UBE4B: variants seen among roughly 807,000 people sequenced by gnomAD.
UBE4B encodes the protein ubiquitin conjugation factor E4 B.
A neutral mutation model predicts 148.1 loss-of-function variants in UBE4B; 27 were observed. That is an observed-to-expected ratio of 0.18 (90% CI 0.13 to 0.25). The LOEUF (loss-of-function observed/expected upper bound fraction) is 0.25, where lower values mean the gene tolerates loss of function less well. Ranked by LOEUF, UBE4B falls within the 10% of genes least tolerant of loss-of-function variation. UBE4B has a pLI of 1.00. For synonymous variants in UBE4B, 596 were observed against 619.3 expected (o/e 0.96, Z 0.56); for missense variants, 1,170 against 1,662.4 (o/e 0.70, Z 5.15).
At chr1:10,081,426 T>G (rs1644678816) in intron 2 of UBE4B, among the ~76,000 whole-genome samples, 1 of 151,926 alleles carries the variant, frequency 6.6e-6, no homozygotes, top group South Asian at 2.1e-4. Context: ...TTATAATTGG[T>G]TTTTTTATGT....
rs777677614 is a variant in UBE4B, at chr1:10,106,183, C to G, written c.810-14C>G. On this transcript the variant is annotated splice_polypyrimidine_tract_variant and intron_variant, in intron 6 of 27. Coordinates refer to ENST00000343090, the MANE Select transcript of UBE4B (RefSeq NM_001105562.3). The surrounding 1 kb of genome is among the most constrained non-coding windows in gnomAD (Gnocchi z 4.2). ...GATTTTTCTCTTCTTTCCTCCCTTTCTCAACTAATTTAGCCTCTATGAAAG... is the reference window on the plus strand; with the variant it reads ...GATTTTTCTCTTCTTTCCTCCCTTTGTCAACTAATTTAGCCTCTATGAAAG... 3 of 1,547,924 alleles carry G rather than the reference C, an allele frequency of 1.9e-6. No individual in the cohort carries two copies. The highest frequency in any genetic ancestry group is 2.6e-6 in the Non-Finnish European group (3 of 1,146,018).
At chr1:10,076,161 A>C (rs182501688) in intron 2 of UBE4B, among the ~76,000 whole-genome samples, 15 of 152,122 alleles carry the variant, frequency 9.9e-5, no homozygotes, top group African/African-American at 3.6e-4. Flanking sequence ...GAAGTTAGAC[A>C]TAGGTCTAAT....
At chr1:10,112,423 G>C (rs938877771) in intron 7 of UBE4B, among the ~76,000 whole-genome samples, 2 of 151,636 alleles carry the variant, frequency 1.3e-5, no homozygotes. Context: ...TGTTTTAGAC[G>C]GAGTCTCGCT....
intron 1 of UBE4B, among the ~76,000 whole-genome samples, chr1:10,064,056 C>A (rs1644338533): frequency 6.6e-6 from 1 of 152,118 alleles, no homozygotes; most frequent in African/African-American, 2.4e-5. Flanking sequence ...GCTTGTCTTT[C>A]TTGTCTGTGC....
chr1:10,041,370 C>T (rs1424905963), intron 1 of UBE4B, among the ~76,000 whole-genome samples: 2 of 146,232 alleles, frequency 1.4e-5, no homozygotes, highest in Non-Finnish European at 3.0e-5. Context: ...GTTTCGCTCT[C>T]GTCACTCAGG....
At chr1:10,121,367 A>G (rs1645407555) in intron 9 of UBE4B, among the ~76,000 whole-genome samples, 1 of 152,074 alleles carries the variant, frequency 6.6e-6, no homozygotes, top group Admixed American at 6.6e-5. Flanking sequence ...AAAAACAACA[A>G]ACAACAACAA....
At chr1:10,033,735 C>G in intron 1 of UBE4B, 41 bp downstream of exon 1, 1 of 1,523,992 alleles carries the variant, frequency 6.6e-7, no homozygotes, top group Non-Finnish European at 8.8e-7. Flanking sequence ...TAGTTGGCAA[C>G]TCGTTAGCGC....
chr1:10,123,153 G>A (rs1401189220), intron 10 of UBE4B, among the ~76,000 whole-genome samples: 1 of 151,996 alleles, frequency 6.6e-6, no homozygotes, highest in Non-Finnish European at 1.5e-5. Context: ...ACTGTCGGCC[G>A]GGCGCAGTGG....
intron 1 of UBE4B, among the ~76,000 whole-genome samples, chr1:10,047,917 G>C (rs1298968395): frequency 6.6e-6 from 1 of 152,048 alleles, no homozygotes; most frequent in Admixed American, 6.6e-5. Context: ...TGTCACCCAG[G>C]CTAGAGTACA....
chr1:10,066,693 G>A (rs950821296), intron 1 of UBE4B, among the ~76,000 whole-genome samples: 3 of 152,038 alleles, frequency 2.0e-5, no homozygotes, highest in Non-Finnish European at 2.9e-5. Context: ...ATAACCTGAG[G>A]TCAGGAGTTT....
chr1:10,099,774 C>T lies in UBE4B; in HGVS notation c.348-1334C>T, dbSNP rs76154155. Among the ~76,000 whole-genome samples, 1,159 of 152,198 alleles carry T rather than the reference C, an allele frequency of 7.6e-3. 29 individuals are homozygous for T. The East Asian group carries it at 0.088, about 12-fold the overall frequency. ...TATTGGCCAGGGACAGACAAATTGTCTAACAGAACAGTAATGAGTCTCCAG... is the reference window on the plus strand; with the variant it reads ...TATTGGCCAGGGACAGACAAATTGTTTAACAGAACAGTAATGAGTCTCCAG... On this transcript the variant is annotated intron_variant, in intron 3 of 27. Coordinates refer to ENST00000343090, the MANE Select transcript of UBE4B (RefSeq NM_001105562.3).
intron 3 of UBE4B, among the ~76,000 whole-genome samples, chr1:10,097,467 G>T (rs1007134428): frequency 6.6e-6 from 1 of 152,054 alleles, no homozygotes; most frequent in Non-Finnish European, 1.5e-5. Flanking sequence ...CTACTGGTTT[G>T]AAAGATATTA....
chr1:10,072,730 A>T, intron 2 of UBE4B: 2 of 441,878 alleles, frequency 4.5e-6, no homozygotes, highest in South Asian at 4.2e-5. Flanking sequence ...AAATGAGCTG[A>T]TGCTTGATAT....
At chr1:10,121,369 C>G (rs1396140302) in intron 9 of UBE4B, among the ~76,000 whole-genome samples, 1 of 151,902 alleles carries the variant, frequency 6.6e-6, no homozygotes, top group East Asian at 1.9e-4. Context: ...AAACAACAAA[C>G]AACAACAAAA....
At chr1:10,062,039 A>G (rs1223956355) in intron 1 of UBE4B, among the ~76,000 whole-genome samples, 1 of 149,912 alleles carries the variant, frequency 6.7e-6, no homozygotes, top group African/African-American at 2.5e-5. Context: ...CTTCCTGAGT[A>G]TCTGGGATTA....
At position 10,152,101 on chromosome 1, in the gene UBE4B, A is replaced by G. The variant is rs920929475; in HGVS notation, c.2926+540A>G. On this transcript the variant is annotated intron_variant, in intron 21 of 27. Coordinates refer to ENST00000343090, the MANE Select transcript of UBE4B (RefSeq NM_001105562.3). ...GTGAAACCCCATCTCTACTAAAAAT[A>G]GAAAAAAAAATTAAATTAGCCGGGC... 2.6e-5 allele frequency among the ~76,000 whole-genome samples: 4 copies of G among 151,860 alleles called. No homozygotes were observed. The East Asian group carries it at 7.7e-4, about 29-fold the overall frequency.
Position 10,161,693 on chromosome 1 carries a change from C to T in UBE4B, c.3198+407C>T, listed in dbSNP as rs1038662649. 6.6e-6 allele frequency among the ~76,000 whole-genome samples: 1 copy of T among 152,082 alleles called. No individual in the cohort carries two copies. The highest frequency in any genetic ancestry group is 1.5e-5 in the Non-Finnish European group (1 of 68,034). On this transcript the variant is annotated intron_variant, in intron 23 of 27. Coordinates refer to ENST00000343090, the MANE Select transcript of UBE4B (RefSeq NM_001105562.3). This position sits in a 1 kb window ranked among gnomAD's most constrained non-coding sequence, Gnocchi z 4.1. Reference sequence around the variant, plus strand: ...CTGTGTGAATCACTCAGGATCCTGGCGGGGTGTTTTTTCCCTTTCAGTTGA... The same window carrying T: ...CTGTGTGAATCACTCAGGATCCTGGTGGGGTGTTTTTTCCCTTTCAGTTGA...
intron 25 of UBE4B, among the ~76,000 whole-genome samples, chr1:10,175,587 C>T (rs112687680): frequency 2.6e-5 from 4 of 151,832 alleles, no homozygotes; most frequent in African/African-American, 9.7e-5. Context: ...GGAGGTGGAG[C>T]TTGCAGTGAG....
Position 10,144,325 on chromosome 1 carries a change from C to T in UBE4B, c.2364-615C>T, listed in dbSNP as rs141422686. 4.7e-3 allele frequency among the ~76,000 whole-genome samples: 709 copies of T among 152,040 alleles called. 8 individuals carry two copies. The highest frequency in any genetic ancestry group is 0.016 in the African/African-American group (668 of 41,520). On this transcript the variant is annotated intron_variant, in intron 17 of 27. Coordinates refer to ENST00000343090, the MANE Select transcript of UBE4B (RefSeq NM_001105562.3). Reference sequence around the variant, plus strand: ...ATTTTCATGAGAGACTTCTTTTTTTCCCTCCCAGAAAAATAAGGGAACAAT... The same window carrying T: ...ATTTTCATGAGAGACTTCTTTTTTTTCCTCCCAGAAAAATAAGGGAACAAT...
Sources: allele counts gnomAD v4.1 joint callset (sites outside exome capture counted in the v4.1 genomes callset), GRCh38; gene constraint gnomAD v4.1.1; non-coding constraint Gnocchi (gnomAD v3.1); transcripts MANE v1.5; gene names NCBI Gene and HGNC (gene_info 2026-07-23, HGNC 2026-07-21).